ASS1: variants seen among roughly 807,000 people sequenced by gnomAD.
ASS1 encodes argininosuccinate synthase 1, also known as argininosuccinate synthase.
In ASS1, 58 loss-of-function variants were observed where a neutral mutation model predicts 60.5. The ratio of observed to expected loss-of-function variants is 0.96; its 90% confidence interval spans 0.78 to 1.19. The LOEUF (loss-of-function observed/expected upper bound fraction) is 1.19. ASS1 is among the 50% of genes most tolerant of loss of function. The probability of loss-of-function intolerance (pLI) is 0.00; values close to 1 mark genes in which losing one functional copy is unlikely to be tolerated. For synonymous variants in ASS1, 200 were observed against 206.9 expected (o/e 0.97, Z 0.29); for missense variants, 454 against 547.3 (o/e 0.83, Z 1.70).
chr9:130,480,379 C>A lies in ASS1; in HGVS notation c.774-6C>A, dbSNP rs1329426357. ...CCCGAACCTAATGGACCAGTTCTTC[C>A]CACAGGGGCAAGCATGGCGTGGGCC... On this transcript the variant is annotated splice_region_variant and splice_polypyrimidine_tract_variant and intron_variant, in intron 10 of 14. Transcript: ENST00000352480. 6.2e-7 allele frequency: 1 copy of A among 1,614,104 alleles called. No individual in the cohort carries two copies. The highest frequency in any genetic ancestry group is 1.3e-5 in the African/African-American group (1 of 74,954).
Position 130,479,930 on chromosome 9 carries a change from T to C in ASS1, c.773+130T>C, listed in dbSNP as rs574198772. The C allele has an allele frequency of 1.7e-4, 180 of 1,088,518 alleles. No individual in the cohort carries two copies. The Middle Eastern group carries it at 3.4e-3, about 20-fold the overall frequency. 67.4% of individuals were successfully genotyped at this position (1,088,518 alleles called of 1,614,324 possible). On this transcript the variant is annotated intron_variant, in intron 10 of 14. Transcript: ENST00000352480. ...GAGCACAGGCCATGTCCCTTCCCCA[T>C]AGCCACAGAGTTTCCCGGACCAGGG...
chr9:130,496,947 A>T (rs1298604566), intron 13 of ASS1, among the ~76,000 whole-genome samples: 6 of 152,186 alleles, frequency 3.9e-5, no homozygotes, highest in Non-Finnish European at 8.8e-5. Flanking sequence ...TTAAAGTACG[A>T]GTCTTGTTTG....
intron 8 of ASS1, among the ~76,000 whole-genome samples, chr9:130,471,800 T>C (rs1394145975): frequency 6.6e-6 from 1 of 152,168 alleles, no homozygotes; most frequent in African/African-American, 2.4e-5. Flanking sequence ...GAGAGTGTGA[T>C]TGTGAGACAA....
Position 130,459,590 on chromosome 9 carries a change from C to T in ASS1, c.363+1001C>T, listed in dbSNP as rs894817661. 6.6e-6 allele frequency among the ~76,000 whole-genome samples: 1 copy of T among 152,134 alleles called. No individual in the cohort carries two copies. On this transcript the variant is annotated intron_variant, in intron 4 of 14. Transcript: ENST00000352480. This position sits in a 1 kb window ranked among gnomAD's most constrained non-coding sequence, Gnocchi z 4.6. ...GGGATTACAGGTGTGTACCCCACCA[C>T]ACCCGGCTAATTTTTTGTATTTTTA... is the stretch of plus-strand genomic sequence containing the variant.
In ASS1 at chr9:130,466,816, C is replaced by T; in HGVS notation, c.495+17C>T. The T allele has an allele frequency of 6.2e-7, 1 of 1,612,820 alleles. No homozygotes were observed. Among genetic ancestry groups the T allele is most frequent in the Middle Eastern group, 1.7e-4 (1 of 6,060 alleles). ...TACGCAAAGGTATGGCCGAGTCTCC[C>T]CACCACCCCCAACCTTTCCCTATAG... On this transcript the variant is annotated intron_variant, in intron 6 of 14. Coordinates refer to ENST00000352480, the MANE Select transcript of ASS1 (RefSeq NM_054012.4).
At chr9:130,499,817 G>T (rs971996716) in intron 14 of ASS1, among the ~76,000 whole-genome samples, 3 of 152,168 alleles carry the variant, frequency 2.0e-5, no homozygotes, top group African/African-American at 7.2e-5. Context: ...GTGTCCCACC[G>T]GGTGCCTCTG....
chr9:130,479,300 T>C (rs1846105014), intron 9 of ASS1, among the ~76,000 whole-genome samples: 1 of 152,068 alleles, frequency 6.6e-6, no homozygotes, highest in African/African-American at 2.4e-5. Flanking sequence ...TGTGTGTGTG[T>C]GTGTGAGCGA....
At chr9:130,493,743 G>A (rs926424207) in intron 12 of ASS1, among the ~76,000 whole-genome samples, 6 of 151,470 alleles carry the variant, frequency 4.0e-5, no homozygotes, top group African/African-American at 4.9e-5. Context: ...CCCTCCCCCC[G>A]CCATGGCCTG....
In ASS1 at chr9:130,489,337, C is replaced by T. The variant is rs2118864035; in HGVS notation, c.843C>T (p.Ile281=). The T allele has an allele frequency of 6.2e-7, 1 of 1,613,410 alleles. No individual in the cohort carries two copies. The highest frequency in any genetic ancestry group is 1.1e-5 in the South Asian group (1 of 91,050). ...CCTGCCTGGAAAAATGGCTAGGTATCTACGAGACCCCAGCAGGCACCATCC... is the reference window on the plus strand; with the variant it reads ...CCTGCCTGGAAAAATGGCTAGGTATTTACGAGACCCCAGCAGGCACCATCC... ...NRFIGMKSRG[I]YETPAGTILY... is the part of the protein sequence containing the mutation. The change falls in exon 12 of 15, where the codon ATC becomes ATT. Residue 281 remains isoleucine (I), a synonymous_variant. Coordinates refer to ENST00000352480, the MANE Select transcript of ASS1 (RefSeq NM_054012.4). This position sits in a 1 kb window ranked among gnomAD's most constrained non-coding sequence, Gnocchi z 4.1.
chr9:130,499,623 A>G, intron 14 of ASS1, 53 bp downstream of exon 14: 4 of 1,541,664 alleles, frequency 2.6e-6, no homozygotes, highest in Non-Finnish European at 3.6e-6. Context: ...TGTAAAGGGT[A>G]GGCTTTGAGA....
intron 13 of ASS1, among the ~76,000 whole-genome samples, chr9:130,498,578 T>C (rs1431887874): frequency 6.6e-6 from 1 of 152,076 alleles, no homozygotes. Context: ...AATGAATGAG[T>C]GAATGAATAC....
chr9:130,460,341 C>T (rs1051870824), intron 4 of ASS1, among the ~76,000 whole-genome samples: 2 of 152,238 alleles, frequency 1.3e-5, no homozygotes, highest in African/African-American at 4.8e-5. Flanking sequence ...GTTCAGCAAG[C>T]TTGCACTGGG....
chr9:130,466,310 G>A (rs555680839), intron 5 of ASS1, among the ~76,000 whole-genome samples: 1 of 152,254 alleles, frequency 6.6e-6, no homozygotes, highest in African/African-American at 2.4e-5. Context: ...GCCTCTCTGG[G>A]CCCCCGACCA....
At chr9:130,475,935 T>C (rs778338939) in intron 8 of ASS1, among the ~76,000 whole-genome samples, 1 of 152,050 alleles carries the variant, frequency 6.6e-6, no homozygotes, top group Non-Finnish European at 1.5e-5. Context: ...TTCTTTTGTA[T>C]TTTAGTAGAG....
rs777250316 is a variant in ASS1, at chr9:130,494,837, C to T, written c.971-30C>T. The T allele has an allele frequency of 6.2e-7, 1 of 1,613,168 alleles. No individual in the cohort carries two copies. The highest frequency in any genetic ancestry group is 1.7e-5 in the Admixed American group (1 of 60,014). On this transcript the variant is annotated intron_variant, in intron 12 of 14. Transcript: ENST00000352480. This position sits in a 1 kb window ranked among gnomAD's most constrained non-coding sequence, Gnocchi z 4.3. ...GTGTCCTCGCGGTGCAGGAGGCCTC[C>T]CTAGTGGTATCCTGTTTTCCTCCCT...
chr9:130,492,709 G>A (rs1846477560), intron 12 of ASS1, among the ~76,000 whole-genome samples: 1 of 152,174 alleles, frequency 6.6e-6, no homozygotes, highest in Non-Finnish European at 1.5e-5. Flanking sequence ...TGGGTATAAT[G>A]TGCAACTCAC....
intron 3 of ASS1, among the ~76,000 whole-genome samples, chr9:130,457,976 TGGTGAAACCCCGTCTCTA>T (rs1349060672): frequency 6.6e-6 from 1 of 151,964 alleles, no homozygotes; most frequent in Admixed American, 6.6e-5. Flanking sequence ...CTGGCCAACA[TGGTGAAACCCCGTCTCTA>T]CCAAAAATAC....
chr9:130,479,187 G>A (rs1846101334), intron 9 of ASS1, among the ~76,000 whole-genome samples: 1 of 151,480 alleles, frequency 6.6e-6, no homozygotes, highest in South Asian at 2.1e-4. Flanking sequence ...CTGCTGGAGC[G>A]GGCACCGTGT....
In ASS1 at chr9:130,494,478, G is replaced by A. The variant is rs1846531021; in HGVS notation, c.971-389G>A. Among the ~76,000 whole-genome samples the A allele has an allele frequency of 6.6e-6, 1 of 152,238 alleles. No individual in the cohort carries two copies. The highest frequency in any genetic ancestry group is 2.4e-5 in the African/African-American group (1 of 41,466). On this transcript the variant is annotated intron_variant, in intron 12 of 14. Transcript: ENST00000352480. This position sits in a 1 kb window ranked among gnomAD's most constrained non-coding sequence, Gnocchi z 4.3. ...GCATGTGCCTCTGAGTCCTGTCTGA[G>A]GTCTTCTGCCTCCCCCGGAGATTAG... is the stretch of plus-strand genomic sequence containing the variant.
Sources: gnomAD v4.1 joint callset for allele counts (sites outside exome capture counted in the v4.1 genomes callset) on GRCh38, gnomAD v4.1.1 for gene constraint, Gnocchi (gnomAD v3.1) non-coding constraint, MANE v1.5 for transcripts, NCBI Gene and HGNC (gene_info 2026-07-23, HGNC 2026-07-21) for gene names.